The following UBE2N variants were observed in gnomAD, a reference collection of about 807,000 sequenced individuals.
UBE2N encodes the protein ubiquitin-conjugating enzyme E2 N.
For missense variants in UBE2N, 60 were observed against 192.1 expected (o/e 0.31, Z 4.07); for synonymous variants, 70 against 69.2 (o/e 1.01, Z -0.06).
intron 1 of UBE2N, among the ~76,000 whole-genome samples, chr12:93,415,044 G>A (rs550462130): frequency 5.3e-5 from 8 of 152,248 alleles, no homozygotes; most frequent in African/African-American, 1.7e-4. Flanking sequence ...TATTTTCAAG[G>A]CAGGATGTGC....
chr12:93,420,050 C>T (rs1592744229), intron 1 of UBE2N, among the ~76,000 whole-genome samples: 1 of 152,284 alleles, frequency 6.6e-6, no homozygotes, highest in Non-Finnish European at 1.5e-5. Context: ...TTTCTTTTCC[C>T]TTCTACTCCC....
chr12:93,431,933 A>G (rs949439233), intron 1 of UBE2N, among the ~76,000 whole-genome samples: 1 of 152,116 alleles, frequency 6.6e-6, no homozygotes, highest in African/African-American at 2.4e-5. Context: ...TTACTCTTCA[A>G]GTTTAAAAAC....
chr12:93,429,362 A>G (rs1176652441), intron 1 of UBE2N: 2 of 403,848 alleles, frequency 5.0e-6, no homozygotes, highest in Non-Finnish European at 4.8e-6. Context: ...ACTTACTGAG[A>G]AAAAAAATTC....
intron 1 of UBE2N, among the ~76,000 whole-genome samples, chr12:93,439,388 A>T (rs1406406185): frequency 6.6e-6 from 1 of 152,198 alleles, no homozygotes; most frequent in Non-Finnish European, 1.5e-5. Flanking sequence ...CTTAAGTGGG[A>T]GGATCATCTA....
intron 1 of UBE2N, among the ~76,000 whole-genome samples, chr12:93,434,948 A>T (rs1357078185): frequency 1.3e-5 from 2 of 151,996 alleles, no homozygotes; most frequent in Non-Finnish European, 2.9e-5. Flanking sequence ...TCTATTACCC[A>T]GGCTGGGGTG....
intron 3 of UBE2N, 198 bp from the exon 4 acceptor site, chr12:93,410,277 TAAG>T (rs1445989607): frequency 5.5e-6 from 3 of 541,812 alleles, no homozygotes; most frequent in African/African-American, 4.0e-5. Context: ...ACAATAAAAT[TAAG>T]AAGTTCTAGA....
chr12:93,437,532 C>A (rs1310594123), intron 1 of UBE2N, among the ~76,000 whole-genome samples: 1 of 151,996 alleles, frequency 6.6e-6, no homozygotes, highest in Non-Finnish European at 1.5e-5. Flanking sequence ...TGCAGTGGCT[C>A]ACACCTGTAA....
chr12:93,435,298 C>A (rs1314816032), intron 1 of UBE2N, among the ~76,000 whole-genome samples: 2 of 152,082 alleles, frequency 1.3e-5, no homozygotes, highest in Admixed American at 1.3e-4. Flanking sequence ...CATGGTGAAA[C>A]CCTGCCTCTA....
rs1877931875 is a variant in UBE2N at position 93,408,500 on chromosome 12, C to T, written c.*1539G>A. Reference sequence around the variant, plus strand: ...AGAAAATTCAAATGGGCTACAATATCCATTACCTTAAACTGCAAGAGACAA... The same window carrying T: ...AGAAAATTCAAATGGGCTACAATATTCATTACCTTAAACTGCAAGAGACAA... On this transcript the variant is annotated 3_prime_UTR_variant, in exon 4 of 4. Coordinates refer to ENST00000318066, the MANE Select transcript of UBE2N (RefSeq NM_003348.4). 6.6e-6 allele frequency: 1 copy of T among 152,148 alleles called. No individual in the cohort carries two copies. Among genetic ancestry groups the T allele is most frequent in the Admixed American group, 6.5e-5 (1 of 15,270 alleles). 9.4% of individuals were successfully genotyped at this position (152,148 alleles called of 1,614,324 possible). A position where few individuals can be genotyped will look rare whatever the true frequency, so the allele number is the denominator to read the frequency against.
chr12:93,424,956 T>G (rs1878534277), intron 1 of UBE2N, among the ~76,000 whole-genome samples: 2 of 152,232 alleles, frequency 1.3e-5, no homozygotes, highest in Non-Finnish European at 2.9e-5. Flanking sequence ...TGAACTTTGT[T>G]TCGTTTATGA....
intron 1 of UBE2N, among the ~76,000 whole-genome samples, chr12:93,439,047 A>C (rs1879019522): frequency 6.6e-6 from 1 of 152,260 alleles, no homozygotes; most frequent in African/African-American, 2.4e-5. Context: ...AATGGTTAAG[A>C]AATCTACAAA....
At position 93,410,600 on chromosome 12, in the gene UBE2N, C is replaced by T. The variant is rs1878005089; in HGVS notation, c.418+134G>A. ...AAGCCATTTTGTTAAGACGTATTTA[C>T]ATACTATAAGCAGGATCTCACTTAT... is the stretch of plus-strand genomic sequence containing the variant. On this transcript the variant is annotated intron_variant, in intron 3 of 3. Coordinates refer to ENST00000318066, the MANE Select transcript of UBE2N (RefSeq NM_003348.4). The T allele has an allele frequency of 2.1e-5, 28 of 1,338,516 alleles. No individual in the cohort carries two copies. The East Asian group carries it at 6.5e-4, about 31-fold the overall frequency. The allele number at this position is 1,338,516 out of a possible 1,614,324, so 82.9% of individuals were successfully genotyped here. A position where few individuals can be genotyped will look rare whatever the true frequency, so the allele number is the denominator to read the frequency against.
At chr12:93,429,583 G>A (rs367928071) in intron 1 of UBE2N, among the ~76,000 whole-genome samples, 11 of 149,898 alleles carry the variant, frequency 7.3e-5, no homozygotes, top group Admixed American at 7.3e-4. Flanking sequence ...AAAAAAAGTT[G>A]ACTGTAAAAC....
chr12:93,433,365 G>A (rs1469063633), intron 1 of UBE2N, among the ~76,000 whole-genome samples: 1 of 152,148 alleles, frequency 6.6e-6, no homozygotes, highest in Non-Finnish European at 1.5e-5. Flanking sequence ...ACACAGTCAT[G>A]TTTCTGCCAC....
At position 93,408,053 on chromosome 12, in the gene UBE2N, G is replaced by C. The variant is rs565684259; in HGVS notation, c.*1986C>G. On this transcript the variant is annotated 3_prime_UTR_variant, in exon 4 of 4. Coordinates refer to ENST00000318066, the MANE Select transcript of UBE2N (RefSeq NM_003348.4). The stretch of plus-strand genomic sequence containing the variant: ...TTGTAGTGCAACAGATTTAAATCTG[G>C]AATTTCATGGTTTGTAAATCACTAT... 1.3e-5 allele frequency: 2 copies of C among 152,262 alleles called. No individual in the cohort carries two copies. The highest frequency in any genetic ancestry group is 4.8e-5 in the African/African-American group (2 of 41,546). 9.4% of individuals were successfully genotyped at this position (152,262 alleles called of 1,614,324 possible).
chr12:93,426,833 G>T lies in UBE2N; in HGVS notation c.30+15022C>A, dbSNP rs1366787277. The stretch of plus-strand genomic sequence containing the variant: ...GTGTTAAGGGAAAACTGCGAGAGAC[G>T]ACAGTGCTGTCTCCCCTCTCATGGG... On this transcript the variant is annotated intron_variant, in intron 1 of 3. Coordinates refer to ENST00000318066, the MANE Select transcript of UBE2N (RefSeq NM_003348.4). Among the ~76,000 whole-genome samples, 3 of 152,096 alleles carry T rather than the reference G, an allele frequency of 2.0e-5. No homozygotes were observed. The East Asian group carries it at 5.8e-4, about 29-fold the overall frequency.
chr12:93,418,742 A>G (rs1168613432), intron 1 of UBE2N, among the ~76,000 whole-genome samples: 7 of 152,226 alleles, frequency 4.6e-5, no homozygotes, highest in Non-Finnish European at 7.4e-5. Context: ...AAAAAAGTAA[A>G]AAGAAACAAG....
chr12:93,412,919 A>G (rs964353863), intron 1 of UBE2N, among the ~76,000 whole-genome samples: 2 of 152,252 alleles, frequency 1.3e-5, no homozygotes, highest in South Asian at 2.1e-4. Context: ...TATTATGGCT[A>G]GCAAATATTT....
At chr12:93,419,008 G>A (rs899910230) in intron 1 of UBE2N, among the ~76,000 whole-genome samples, 5 of 151,992 alleles carry the variant, frequency 3.3e-5, no homozygotes, top group African/African-American at 1.2e-4. Context: ...GTTACTGCCT[G>A]GTCATTATGA....
Sources: gnomAD v4.1 joint callset for allele counts (sites outside exome capture counted in the v4.1 genomes callset) on GRCh38, gnomAD v4.1.1 for gene constraint, MANE v1.5 for transcripts, NCBI Gene and HGNC (gene_info 2026-07-23, HGNC 2026-07-21) for gene names.